Variants in B3GALT1 observed in about 807,000 individuals in gnomAD.
B3GALT1 encodes UDP-Gal:betaGlcNAc beta 1,3-galactosyltransferase, polypeptide 1.
A neutral mutation model predicts 23.2 loss-of-function variants in B3GALT1; 10 were observed. The observed-to-expected ratio is 0.43, with a 90% CI of 0.27 to 0.73. The LOEUF (loss-of-function observed/expected upper bound fraction) is 0.73. Ranked by LOEUF, B3GALT1 falls within the 30% of genes least tolerant of loss-of-function variation. The pLI is 0.21. For missense variants in B3GALT1, 299 were observed against 405.4 expected, an observed-to-expected ratio of 0.74 and a Z score of 2.25; for synonymous variants, 156 against 141.5, an observed-to-expected ratio of 1.10 and a Z score of -0.73.
At chr2:167,710,416 C>T (rs528921401) in intron 3 of B3GALT1, among the ~76,000 whole-genome samples, 6 of 152,124 alleles carry the variant, frequency 3.9e-5, no homozygotes, top group African/African-American at 7.2e-5. Context: ...ACGAGGAAAC[C>T]GTGGCTCTTT....
chr2:167,862,183 T>C (rs1431558990), intron 4 of B3GALT1, among the ~76,000 whole-genome samples: 4 of 152,198 alleles, frequency 2.6e-5, no homozygotes, highest in African/African-American at 9.7e-5. Context: ...TGAGGCATTG[T>C]CTCATGAGAT....
intron 1 of B3GALT1, among the ~76,000 whole-genome samples, chr2:167,353,832 G>A (rs79963553): frequency 5.9e-4 from 90 of 152,204 alleles, no homozygotes; most frequent in African/African-American, 2.0e-3. Context: ...ATACCTCCTA[G>A]AGTTTTGGGA....
intron 1 of B3GALT1, among the ~76,000 whole-genome samples, chr2:167,483,086 G>C (rs1017582435): frequency 6.6e-6 from 1 of 151,942 alleles, no homozygotes; most frequent in Non-Finnish European, 1.5e-5. Context: ...CTGAGGATGG[G>C]AGTTCGAGAC....
intron 3 of B3GALT1, among the ~76,000 whole-genome samples, chr2:167,751,180 T>C (rs1687729419): frequency 6.6e-6 from 1 of 152,226 alleles, no homozygotes; most frequent in African/African-American, 2.4e-5. Flanking sequence ...CCTCTGTGGA[T>C]TATATTTTGG....
intron 2 of B3GALT1, among the ~76,000 whole-genome samples, chr2:167,508,984 C>T (rs1284780278): frequency 6.6e-6 from 1 of 152,150 alleles, no homozygotes; most frequent in African/African-American, 2.4e-5. Flanking sequence ...GATTGGGCAT[C>T]TGCTGCTAAC....
chr2:167,509,698 A>G (rs1478316986), intron 2 of B3GALT1, among the ~76,000 whole-genome samples: 1 of 152,164 alleles, frequency 6.6e-6, no homozygotes, highest in South Asian at 2.1e-4. Context: ...AATGAGCAGG[A>G]CATTCAGTGT....
At chr2:167,354,441 G>T (rs1213698479) in intron 1 of B3GALT1, among the ~76,000 whole-genome samples, 2 of 151,110 alleles carry the variant, frequency 1.3e-5, no homozygotes, top group Non-Finnish European at 2.9e-5. Flanking sequence ...CCGCCTCCTG[G>T]GTTCAAGCGA....
intron 3 of B3GALT1, among the ~76,000 whole-genome samples, chr2:167,739,996 G>A (rs1687555067): frequency 6.6e-6 from 1 of 151,510 alleles, no homozygotes; most frequent in African/African-American, 2.4e-5. Context: ...CTATTTGGGA[G>A]GCTGAGGTGG....
At chr2:167,321,363 G>A (rs1218557199) in intron 1 of B3GALT1, among the ~76,000 whole-genome samples, 2 of 152,008 alleles carry the variant, frequency 1.3e-5, no homozygotes, top group African/African-American at 4.8e-5. Flanking sequence ...TATGCCAACT[G>A]TTAGACTGAT....
At chr2:167,350,118 C>T (rs1697286454) in intron 1 of B3GALT1, among the ~76,000 whole-genome samples, 1 of 152,048 alleles carries the variant, frequency 6.6e-6, no homozygotes, top group South Asian at 2.1e-4. Context: ...ATCTTTAATG[C>T]TTAAATAAAA....
intron 2 of B3GALT1, among the ~76,000 whole-genome samples, chr2:167,497,712 T>C (rs1254552979): frequency 1.3e-5 from 2 of 151,792 alleles, no homozygotes; most frequent in Non-Finnish European, 2.9e-5. Flanking sequence ...AAAAGGAGAC[T>C]CTGAGGTGAC....
chr2:167,734,041 A>T (rs1327441797), intron 3 of B3GALT1, among the ~76,000 whole-genome samples: 1 of 152,230 alleles, frequency 6.6e-6, no homozygotes, highest in Non-Finnish European at 1.5e-5. Flanking sequence ...AGTCAGAGAG[A>T]AGATCCCAGG....
chr2:167,389,037 G>A (rs1697975514), intron 1 of B3GALT1, among the ~76,000 whole-genome samples: 1 of 152,056 alleles, frequency 6.6e-6, no homozygotes, highest in African/African-American at 2.4e-5. Flanking sequence ...TTCTGGGAGA[G>A]ACATTTCCAA....
chr2:167,735,412 A>T (rs1469396480), intron 3 of B3GALT1, among the ~76,000 whole-genome samples: 2 of 152,248 alleles, frequency 1.3e-5, no homozygotes, highest in Non-Finnish European at 2.9e-5. Context: ...GCAGCTAAAC[A>T]TCTCAATGGG....
chr2:167,654,116 T>A (rs540328968), intron 3 of B3GALT1, among the ~76,000 whole-genome samples: 1 of 152,266 alleles, frequency 6.6e-6, no homozygotes, highest in African/African-American at 2.4e-5. Context: ...TCAGCGCTTA[T>A]TACACCTTGG....
At chr2:167,372,300 T>A (rs978614203) in intron 1 of B3GALT1, among the ~76,000 whole-genome samples, 1 of 152,096 alleles carries the variant, frequency 6.6e-6, no homozygotes, top group Non-Finnish European at 1.5e-5. Flanking sequence ...CATTTATGAA[T>A]TTTTTAAAAA....
chr2:167,801,748 T>C (rs1028006903), intron 3 of B3GALT1, among the ~76,000 whole-genome samples: 1 of 152,256 alleles, frequency 6.6e-6, no homozygotes, highest in African/African-American at 2.4e-5. Flanking sequence ...TAATACAACA[T>C]GACAACACTT....
chr2:167,512,451 T>C (rs1178446109), intron 2 of B3GALT1, among the ~76,000 whole-genome samples: 1 of 149,166 alleles, frequency 6.7e-6, no homozygotes, highest in Non-Finnish European at 1.5e-5. Context: ...CTTTTGTTTA[T>C]GTTAATTATA....
chr2:167,583,154 C>T (rs993692039), intron 2 of B3GALT1, among the ~76,000 whole-genome samples: 9 of 152,178 alleles, frequency 5.9e-5, no homozygotes, highest in Admixed American at 2.6e-4. Context: ...CCCAGAGAAG[C>T]AAGATTAAGC....
Sources: allele counts gnomAD v4.1 joint callset (sites outside exome capture counted in the v4.1 genomes callset), GRCh38; gene constraint gnomAD v4.1.1; transcripts MANE v1.5; gene names NCBI Gene and HGNC (gene_info 2026-07-23, HGNC 2026-07-21).